PTPRG: variants seen among roughly 807,000 people sequenced by gnomAD.
PTPRG encodes receptor-type tyrosine-protein phosphatase gamma.
A neutral mutation model predicts 165.3 loss-of-function variants in PTPRG; 102 were observed. The ratio of observed to expected loss-of-function variants is 0.62; its 90% confidence interval spans 0.53 to 0.73. The LOEUF (loss-of-function observed/expected upper bound fraction) is 0.73. Among genes scored for constraint, PTPRG ranks in the 30% least tolerant of loss-of-function variants. PTPRG has a pLI of 0.00. For missense variants in PTPRG, 1,866 were observed against 1,861.4 expected, an observed-to-expected ratio of 1.00 and a Z score of -0.05; for synonymous variants, 675 against 669.5, an observed-to-expected ratio of 1.01 and a Z score of -0.13.
intron 2 of PTPRG, among the ~76,000 whole-genome samples, chr3:61,786,843 C>CTATTT: frequency 6.6e-6 from 1 of 152,100 alleles, no homozygotes; most frequent in Non-Finnish European, 1.5e-5. Context: ...TTTGAAATGT[C>CTATTT]CCACTGGAAA....
chr3:61,587,450 T>G (rs893489718), intron 1 of PTPRG, among the ~76,000 whole-genome samples: 1 of 152,186 alleles, frequency 6.6e-6, no homozygotes, highest in Non-Finnish European at 1.5e-5. Flanking sequence ...GCAGCCGTGA[T>G]GTTTCTTTAC....
intron 1 of PTPRG, among the ~76,000 whole-genome samples, chr3:61,616,529 G>C (rs1354347654): frequency 2.0e-5 from 3 of 152,118 alleles, no homozygotes; most frequent in Admixed American, 2.0e-4. Flanking sequence ...CTGTGTGTTG[G>C]AATACTCTTC....
At chr3:62,022,240 A>G (rs1298141278) in intron 4 of PTPRG, among the ~76,000 whole-genome samples, 7 of 152,156 alleles carry the variant, frequency 4.6e-5, no homozygotes, top group African/African-American at 7.2e-5. Flanking sequence ...ATTTTTTGTG[A>G]AATAAAAGAA....
chr3:62,094,644 G>A (rs1702049749), intron 5 of PTPRG, among the ~76,000 whole-genome samples: 1 of 152,182 alleles, frequency 6.6e-6, no homozygotes. Context: ...ACCAGGCTCT[G>A]GCAGCACCTG....
At chr3:61,763,617 C>T (rs112545113) in intron 2 of PTPRG, among the ~76,000 whole-genome samples, 150,919 of 150,932 alleles carry the variant, frequency 1, 75,453 homozygotes, top group Middle Eastern at 1. Flanking sequence ...GTGATCCACC[C>T]GCCTCAGCCT....
rs72878459 is a variant in PTPRG at position 61,743,017 on chromosome 3, G to A, written c.86-5861G>A. The A allele has an allele frequency of 1.3e-3, 1,982 of 1,570,708 alleles. 18 individuals carry two copies. In the African/African-American group the frequency reaches 0.024, roughly 19 times the overall value. On this transcript the variant is annotated intron_variant, in intron 1 of 29. Coordinates refer to ENST00000474889, the MANE Select transcript of PTPRG (RefSeq NM_002841.4). ...CTTCAAGCTGATCTGCAACTCCACC[G>A]TCTCCAGGAACTTGCGGCGCTTGCG...
At position 61,748,949 on chromosome 3, in the gene PTPRG, A is replaced by G. The variant is rs1328614298; in HGVS notation, c.157A>G (p.Lys53Glu). 3 of 1,612,156 alleles carry G rather than the reference A, an allele frequency of 1.9e-6. No individual in the cohort carries two copies. Among genetic ancestry groups the G allele is most frequent in the Admixed American group, 3.3e-5 (2 of 59,804 alleles). Reference sequence around the variant, plus strand: ...CAGCGCAGTGCAGATCCGCAGGCGCAAGGCTTCAGGCGACCCGTACTGGGC... The same window carrying G: ...CAGCGCAGTGCAGATCCGCAGGCGCGAGGCTTCAGGCGACCCGTACTGGGC... ...HGSAVQIRRRKASGDPYWAYS... is the reference protein window; with the variant it reads ...HGSAVQIRRREASGDPYWAYS... The change falls in exon 2 of 30, where the codon AAG becomes GAG. Residue 53 changes from lysine to glutamate, a missense_variant. Lys to Glu is a moderately conservative substitution (Grantham distance 56, BLOSUM62 1). Around this residue, in one of 3 missense-constraint regions of PTPRG, gnomAD observed 408 missense variants for 376.2 expected, o/e 1.08. Coordinates refer to ENST00000474889, the MANE Select transcript of PTPRG (RefSeq NM_002841.4).
At position 62,195,333 on chromosome 3, in the gene PTPRG, C is replaced by G. The variant is rs966811540; in HGVS notation, c.1327+163C>G. Among the ~76,000 whole-genome samples the G allele has an allele frequency of 6.6e-6, 1 of 152,098 alleles. No homozygotes were observed. Among genetic ancestry groups the G allele is most frequent in the Non-Finnish European group, 1.5e-5 (1 of 68,012 alleles). On this transcript the variant is annotated intron_variant, in intron 10 of 29. Transcript: ENST00000474889. The surrounding 1 kb of genome is among the most constrained non-coding windows in gnomAD (Gnocchi z 4.4). Reference sequence around the variant, plus strand: ...TGCGGGAAGCCCTAGTAATTTAGGTCTTTTAGGTTGGAGGTTTTATCGGCA... The same window carrying G: ...TGCGGGAAGCCCTAGTAATTTAGGTGTTTTAGGTTGGAGGTTTTATCGGCA...
At chr3:61,674,382 G>C (rs1396648927) in intron 1 of PTPRG, among the ~76,000 whole-genome samples, 1 of 151,436 alleles carries the variant, frequency 6.6e-6, no homozygotes, top group Admixed American at 6.6e-5. Context: ...AGCTACTCAG[G>C]AGGCTGAGGT....
chr3:61,768,929 A>G lies in PTPRG; in HGVS notation c.190+19947A>G, dbSNP rs2034120947. On this transcript the variant is annotated intron_variant, in intron 2 of 29. Transcript: ENST00000474889. ...TCACAGGGAAATTTCAGTCTGAAAG[A>G]TGAGTTCCACATGATTCACACACCT... 3.3e-5 allele frequency among the ~76,000 whole-genome samples: 5 copies of G among 152,310 alleles called. 1 individual carries two copies. The South Asian group carries it at 8.3e-4, about 25-fold the overall frequency.
chr3:62,254,657 C>T lies in PTPRG; in HGVS notation c.2468-467C>T, dbSNP rs1468802011. On this transcript the variant is annotated intron_variant, in intron 15 of 29. Transcript: ENST00000474889. The surrounding 1 kb of genome is among the most constrained non-coding windows in gnomAD (Gnocchi z 4.6). ...ATCTATAATTGTGTATAAAGGATTG[C>T]TTAAAACTTATAAGATTGGAAATAG... Among the ~76,000 whole-genome samples the T allele has an allele frequency of 6.6e-6, 1 of 151,744 alleles. No homozygotes were observed. Among genetic ancestry groups the T allele is most frequent in the Non-Finnish European group, 1.5e-5 (1 of 67,936 alleles).
At chr3:62,194,470 C>T (rs1383501324) in intron 9 of PTPRG, among the ~76,000 whole-genome samples, 1 of 152,186 alleles carries the variant, frequency 6.6e-6, no homozygotes, top group Non-Finnish European at 1.5e-5. Context: ...TTCTTCCTTG[C>T]ATCATGCCCC....
chr3:62,011,249 C>T (rs990545076), intron 4 of PTPRG, among the ~76,000 whole-genome samples: 5 of 152,180 alleles, frequency 3.3e-5, no homozygotes, highest in African/African-American at 1.2e-4. Context: ...AGGCAAGCTC[C>T]CTGTGCAGGT....
intron 4 of PTPRG, among the ~76,000 whole-genome samples, chr3:62,034,784 G>T (rs1213181654): frequency 6.6e-6 from 1 of 152,206 alleles, no homozygotes; most frequent in Non-Finnish European, 1.5e-5. Context: ...TCAAAGCCAT[G>T]GCTTTGATGA....
chr3:62,254,699 G>C lies in PTPRG; in HGVS notation c.2468-425G>C, dbSNP rs1701497979. ...TGGAAATAGAACTTAATTGCTTAAA[G>C]TTCAAGCTGGACTCCATTGAACAGC... On this transcript the variant is annotated intron_variant, in intron 15 of 29. Transcript: ENST00000474889. The surrounding 1 kb of genome is among the most constrained non-coding windows in gnomAD (Gnocchi z 4.6). 6.6e-6 allele frequency among the ~76,000 whole-genome samples: 1 copy of C among 151,834 alleles called. No homozygotes were observed. The highest frequency in any genetic ancestry group is 6.6e-5 in the Admixed American group (1 of 15,236).
chr3:62,032,566 G>T (rs953176043), intron 4 of PTPRG, among the ~76,000 whole-genome samples: 9 of 152,104 alleles, frequency 5.9e-5, no homozygotes, highest in African/African-American at 1.9e-4. Flanking sequence ...TATTGAAGGA[G>T]AGAGGGAAGC....
In PTPRG at chr3:62,211,157, T is replaced by C. The variant is rs182154704; in HGVS notation, c.2155+7207T>C. ...AAAATGTGGCATATAGTACATACAA[T>C]GAAATAACTGTTTAGCCTGTAAAAG... On this transcript the variant is annotated intron_variant, in intron 12 of 29. Transcript: ENST00000474889. Among the ~76,000 whole-genome samples the C allele has an allele frequency of 2.3e-3, 348 of 152,278 alleles. 1 individual carries two copies. Among genetic ancestry groups the C allele is most frequent in the Non-Finnish European group, 3.6e-3 (246 of 68,020 alleles).
chr3:62,090,884 C>G (rs1334060236), intron 5 of PTPRG, among the ~76,000 whole-genome samples: 2 of 152,116 alleles, frequency 1.3e-5, no homozygotes, highest in Non-Finnish European at 2.9e-5. Context: ...CAACTTGCCA[C>G]TTACTGGCTT....
chr3:61,720,983 T>C (rs1476701832), intron 1 of PTPRG, among the ~76,000 whole-genome samples: 2 of 152,254 alleles, frequency 1.3e-5, no homozygotes, highest in South Asian at 2.1e-4. Context: ...TTTTAATTTA[T>C]TGTCTGTTCT....
Sources: gnomAD v4.1 joint callset for allele counts (sites outside exome capture counted in the v4.1 genomes callset) on GRCh38, gnomAD v4.1.1 for gene constraint, gnomAD v4.1.1 regional missense constraint, Gnocchi (gnomAD v3.1) non-coding constraint, MANE v1.5 for transcripts, NCBI Gene and HGNC (gene_info 2026-07-23, HGNC 2026-07-21) for gene names.